Variants in SLCO3A1 observed in about 807,000 individuals in gnomAD.
SLCO3A1 encodes solute carrier organic anion transporter family member 3A1, also known as PGE1 transporter.
SLCO3A1 carries 27 observed loss-of-function variants against 63.1 expected under a neutral mutation model. The observed-to-expected ratio is 0.43, with a 90% CI of 0.32 to 0.59. SLCO3A1 has a LOEUF of 0.59. Ranked by LOEUF, SLCO3A1 falls within the 20% of genes least tolerant of loss-of-function variation. SLCO3A1 has a pLI of 0.09. For missense variants in SLCO3A1, 773 were observed against 945.8 expected, an observed-to-expected ratio of 0.82 and a Z score of 2.40; for synonymous variants, 473 against 409.9, an observed-to-expected ratio of 1.15 and a Z score of -1.86.
At chr15:92,069,369 G>A (rs932244886) in intron 2 of SLCO3A1, among the ~76,000 whole-genome samples, 7 of 152,180 alleles carry the variant, frequency 4.6e-5, no homozygotes, top group Admixed American at 1.3e-4. Flanking sequence ...TAGGAGTTAC[G>A]AGAATTAAAT....
intron 1 of SLCO3A1, among the ~76,000 whole-genome samples, chr15:91,899,231 G>C (rs769792512): frequency 6.6e-6 from 1 of 152,204 alleles, no homozygotes; most frequent in Non-Finnish European, 1.5e-5. Flanking sequence ...ATGTAGAACA[G>C]GGAGAGAGAG....
chr15:91,898,740 T>TA (rs1898073838), intron 1 of SLCO3A1, among the ~76,000 whole-genome samples: 1 of 152,128 alleles, frequency 6.6e-6, no homozygotes, highest in Middle Eastern at 3.2e-3. Context: ...GGCAAAAACT[T>TA]ACTCTTTTTA....
At chr15:92,011,445 C>G (rs1186964863) in intron 2 of SLCO3A1, among the ~76,000 whole-genome samples, 1 of 152,116 alleles carries the variant, frequency 6.6e-6, no homozygotes, top group African/African-American at 2.4e-5. Context: ...TCACATTGTA[C>G]TCCATAAATA....
chr15:92,153,675 G>C (rs62008656), intron 9 of SLCO3A1: 25,115 of 152,310 alleles, frequency 0.16, 2,189 homozygotes, highest in Middle Eastern at 0.2. Context: ...ATGTAGAAGG[G>C]CCTCCTAATC....
chr15:92,151,400 G>A (rs74028834), intron 9 of SLCO3A1, among the ~76,000 whole-genome samples: 2,496 of 152,282 alleles, frequency 0.016, 58 homozygotes, highest in African/African-American at 0.055. Context: ...TTCTCACAAT[G>A]CCTTGAAAAT....
chr15:92,060,267 T>G (rs554700970), intron 2 of SLCO3A1, among the ~76,000 whole-genome samples: 14 of 152,156 alleles, frequency 9.2e-5, no homozygotes, highest in African/African-American at 2.6e-4. Context: ...ACAAATAAAT[T>G]AACCTTAGCC....
At chr15:91,924,581 C>T (rs547731067) in intron 2 of SLCO3A1, among the ~76,000 whole-genome samples, 1 of 152,118 alleles carries the variant, frequency 6.6e-6, no homozygotes, top group South Asian at 2.1e-4. Flanking sequence ...ATGTCACAGC[C>T]AGAAAAAAAG....
chr15:92,106,054 G>C (rs1033665720), intron 4 of SLCO3A1, among the ~76,000 whole-genome samples: 1 of 152,182 alleles, frequency 6.6e-6, no homozygotes, highest in Non-Finnish European at 1.5e-5. Flanking sequence ...TAATAACACA[G>C]TTCCTCACTG....
intron 2 of SLCO3A1, among the ~76,000 whole-genome samples, chr15:92,022,678 A>G (rs150311953): frequency 2.9e-4 from 44 of 152,362 alleles, no homozygotes; most frequent in Non-Finnish European, 2.9e-4. Context: ...CTGCAAACAT[A>G]CAGCTGAAAG....
chr15:92,095,767 C>G (rs757280291), intron 3 of SLCO3A1, among the ~76,000 whole-genome samples: 1 of 152,178 alleles, frequency 6.6e-6, no homozygotes, highest in Admixed American at 6.5e-5. Flanking sequence ...ACCTGTAGAT[C>G]TACTCTCAGG....
At chr15:91,994,653 A>G (rs1465572643) in intron 2 of SLCO3A1, among the ~76,000 whole-genome samples, 1 of 152,240 alleles carries the variant, frequency 6.6e-6, no homozygotes, top group African/African-American at 2.4e-5. Flanking sequence ...TCAAGTGGAG[A>G]TCTCAGATAA....
intron 2 of SLCO3A1, among the ~76,000 whole-genome samples, chr15:92,063,805 G>A (rs559907054): frequency 2.0e-5 from 3 of 152,112 alleles, no homozygotes; most frequent in East Asian, 1.9e-4. Context: ...AGCCAAGATC[G>A]CACCACCGCA....
intron 2 of SLCO3A1, among the ~76,000 whole-genome samples, chr15:92,040,181 T>C (rs568995105): frequency 1.1e-4 from 16 of 152,136 alleles, no homozygotes; most frequent in Non-Finnish European, 2.4e-4. Context: ...AACCTACACG[T>C]TCTGCACTTG....
intron 2 of SLCO3A1, among the ~76,000 whole-genome samples, chr15:92,056,269 C>G (rs757522492): frequency 6.6e-6 from 1 of 152,110 alleles, no homozygotes; most frequent in African/African-American, 2.4e-5. Context: ...ATAAAGCATA[C>G]AGAATTACAG....
intron 1 of SLCO3A1, among the ~76,000 whole-genome samples, chr15:91,915,529 GGGGGATAGGCT>G (rs1323135480): frequency 3.9e-5 from 6 of 152,220 alleles, no homozygotes; most frequent in African/African-American, 1.4e-4. Flanking sequence ...ATTTTGAGGT[GGGGGATAGGCT>G]TTGCTAACCT....
Position 91,885,087 on chromosome 15 carries a change from T to C in SLCO3A1, c.181-30906T>C, listed in dbSNP as rs1323623251. Among the ~76,000 whole-genome samples, 1 of 152,112 alleles carries C rather than the reference T, an allele frequency of 6.6e-6. No homozygotes were observed. Among genetic ancestry groups the C allele is most frequent in the East Asian group, 1.9e-4 (1 of 5,182 alleles). ...AAGTAAAAAGCCTTTCCGTCCCATATAGGGACACAGAAAGGAGGTGATGGG... is the reference window on the plus strand; with the variant it reads ...AAGTAAAAAGCCTTTCCGTCCCATACAGGGACACAGAAAGGAGGTGATGGG... On this transcript the variant is annotated intron_variant, in intron 1 of 9. Transcript: ENST00000318445. This position sits in a 1 kb window ranked among gnomAD's most constrained non-coding sequence, Gnocchi z 4.7.
intron 4 of SLCO3A1, among the ~76,000 whole-genome samples, chr15:92,106,813 C>A (rs914904895): frequency 1.3e-5 from 2 of 152,152 alleles, no homozygotes; most frequent in Non-Finnish European, 2.9e-5. Flanking sequence ...AGAAGCCCAC[C>A]GCTCCTGGGC....
At chr15:92,121,064 G>C (rs78389403) in intron 5 of SLCO3A1, among the ~76,000 whole-genome samples, 28 of 152,214 alleles carry the variant, frequency 1.8e-4, no homozygotes, top group African/African-American at 6.7e-4. Flanking sequence ...GCCCACAACA[G>C]ACATAACTAA....
At chr15:92,148,437 C>T (rs1037721463) in intron 8 of SLCO3A1, among the ~76,000 whole-genome samples, 4 of 152,158 alleles carry the variant, frequency 2.6e-5, no homozygotes, top group African/African-American at 9.7e-5. Context: ...ACTAATGTTA[C>T]CTAGAACGTC....
Sources: gnomAD v4.1 joint callset for allele counts (sites outside exome capture counted in the v4.1 genomes callset) on GRCh38, gnomAD v4.1.1 for gene constraint, Gnocchi (gnomAD v3.1) non-coding constraint, MANE v1.5 for transcripts, NCBI Gene and HGNC (gene_info 2026-07-23, HGNC 2026-07-21) for gene names.